ZNF749: variants seen among roughly 807,000 people sequenced by gnomAD.
ZNF749 encodes zinc finger protein 749.
Under a neutral mutation model 7.3 loss-of-function variants are expected in ZNF749, and 8 were observed. The ratio of observed to expected loss-of-function variants is 1.10; its 90% CI spans 0.64 to 1.98. The LOEUF (loss-of-function observed/expected upper bound fraction) is 1.98, where lower values mean the gene tolerates loss of function less well. Among genes scored for constraint, ZNF749 ranks in the 30% most tolerant of loss-of-function variants. The pLI, the probability that ZNF749 is intolerant of heterozygous loss-of-function variation, is 0.00. For synonymous variants in ZNF749, 310 were observed against 322.4 expected (o/e 0.96, Z 0.41); for missense variants, 898 against 932.4 (o/e 0.96, Z 0.48).
In ZNF749 at chr19:57,445,143, A is replaced by C. The variant is rs1006435226; in HGVS notation, c.1995A>C (p.Glu665Asp). ...TTCATCAGAGAGTTCATACTGGAGAAAAGCCTTATGAATGCAGCAACTGTG... is the reference window on the plus strand; with the variant it reads ...TTCATCAGAGAGTTCATACTGGAGACAAGCCTTATGAATGCAGCAACTGTG... ...LIIHQRVHTG[E>D]KPYECSNCGK... Residue 665 changes from glutamate (E) to aspartate (D), a missense_variant, in exon 3 of 3, where the codon GAA becomes GAC. Coordinates refer to ENST00000334181, the MANE Select transcript of ZNF749 (RefSeq NM_001023561.4). 4.3e-6 allele frequency: 7 copies of C among 1,614,150 alleles called. No homozygotes were observed. Among genetic ancestry groups the C allele is most frequent in the Non-Finnish European group, 5.9e-6 (7 of 1,180,008 alleles).
chr19:57,440,876 C>T (rs1460977878), intron 1 of ZNF749, among the ~76,000 whole-genome samples: 2 of 151,926 alleles, frequency 1.3e-5, no homozygotes, highest in Non-Finnish European at 2.9e-5. Context: ...GTCTGTAATC[C>T]CAGCACTTTG....
rs930800028 is a variant in ZNF749 at position 57,441,886 on chromosome 19, A to T, written c.17A>T (p.Asp6Val). 6.2e-7 allele frequency: 1 copy of T among 1,614,068 alleles called. No individual in the cohort carries two copies. The highest frequency in any genetic ancestry group is 8.5e-7 in the Non-Finnish European group (1 of 1,179,980). The change falls in exon 2 of 3, where the codon GAT becomes GTT. Residue 6 changes from aspartate to valine, a missense_variant and splice_region_variant. Asp to Val is a radical substitution (Grantham distance 152). Coordinates refer to ENST00000334181, the MANE Select transcript of ZNF749 (RefSeq NM_001023561.4). Reference protein sequence around the residue: MNLTEDCMVFEDVAIY... With the variant: MNLTEVCMVFEDVAIY... ...ACTGAAGTGTCATAATTTTGGCAGG[A>T]TTGTATGGTCTTTGAGGATGTGGCC...
intron 1 of ZNF749, chr19:57,438,149 A>G (rs1380300687): frequency 2.5e-6 from 1 of 399,034 alleles, no homozygotes; most frequent in East Asian, 3.6e-5. Flanking sequence ...ACTGGAGGCT[A>G]TATGAGTAAA....
chr19:57,434,688 C>T (rs1016586278), upstream of ZNF749, among the ~76,000 whole-genome samples: 2 of 152,206 alleles, frequency 1.3e-5, no homozygotes, highest in Non-Finnish European at 2.9e-5. Flanking sequence ...ATATTTGTCT[C>T]AGAATAAATC....
upstream of ZNF749, among the ~76,000 whole-genome samples, chr19:57,433,862 C>G (rs943860264): frequency 6.6e-6 from 1 of 152,070 alleles, no homozygotes; most frequent in Admixed American, 6.5e-5. Context: ...CAATTTTTCT[C>G]TCACTGCTAC....
In ZNF749 at chr19:57,439,637, G is replaced by T. The variant is rs2088968722; in HGVS notation, c.16-2248G>T. 6.6e-6 allele frequency among the ~76,000 whole-genome samples: 1 copy of T among 151,986 alleles called. No homozygotes were observed. Among genetic ancestry groups the T allele is most frequent in the South Asian group, 2.1e-4 (1 of 4,802 alleles). ...CTGGGTGTGGTGGCGTCTCTCTGTG[G>T]TCTCAGCTAATCGGCGTGCTGAGGC... On this transcript the variant is annotated intron_variant, in intron 1 of 2. Coordinates refer to ENST00000334181, the MANE Select transcript of ZNF749 (RefSeq NM_001023561.4). The surrounding 1 kb of genome is among the most constrained non-coding windows in gnomAD (Gnocchi z 4.3).
rs1056539625 is a variant in ZNF749 at position 57,442,432 on chromosome 19, T to G, written c.142+421T>G. On this transcript the variant is annotated intron_variant, in intron 2 of 2. Transcript: ENST00000334181. The surrounding 1 kb of genome is among the most constrained non-coding windows in gnomAD (Gnocchi z 6.6). ...GTCACCACTTGTGAGGATTGTGAAG[T>G]TATTTCTGCAGGACGCTCTACTGGG... 6.6e-6 allele frequency among the ~76,000 whole-genome samples: 1 copy of G among 152,170 alleles called. No homozygotes were observed. Among genetic ancestry groups the G allele is most frequent in the Non-Finnish European group, 1.5e-5 (1 of 68,030 alleles).
chr19:57,434,730 T>C (rs1312812769), upstream of ZNF749, among the ~76,000 whole-genome samples: 3 of 152,212 alleles, frequency 2.0e-5, no homozygotes, highest in African/African-American at 7.2e-5. Context: ...TCCACCCTTT[T>C]CGTCGACAGA....
chr19:57,445,273 T>G lies in ZNF749; in HGVS notation c.2125T>G (p.Ser709Ala). Reference sequence around the variant, plus strand: ...ATGTAGGGAATTGTTTAGGACTAAATCGAGCCTTATTATACATCAGCAGTC... The same window carrying G: ...ATGTAGGGAATTGTTTAGGACTAAAGCGAGCCTTATTATACATCAGCAGTC... The part of the protein sequence containing the change: ...SKCRELFRTK[S>A]SLIIHQQSHT... The change falls in exon 3 of 3, where the codon TCG becomes GCG. Residue 709 changes from serine (S) to alanine (A), a missense_variant. By Grantham distance (99) the Ser-to-Ala change is moderately conservative. Coordinates refer to ENST00000334181, the MANE Select transcript of ZNF749 (RefSeq NM_001023561.4). 1 of 1,614,004 alleles carries G rather than the reference T, an allele frequency of 6.2e-7. No homozygotes were observed. The highest frequency in any genetic ancestry group is 8.5e-7 in the Non-Finnish European group (1 of 1,179,896).
chr19:57,443,901 T>C lies in ZNF749; in HGVS notation c.753T>C (p.Pro251=), dbSNP rs148424717. The C allele has an allele frequency of 4.9e-5, 79 of 1,613,954 alleles. 1 individual carries two copies. The Middle Eastern group carries it at 4.9e-4, about 10-fold the overall frequency. ...KYQQNHAGER[P]YEGTEYGKTF... ...AGCAAAATCATGCTGGAGAAAGGCC[T>C]TATGAGGGCACTGAATATGGAAAGA... The change falls in exon 3 of 3, where the codon CCT becomes CCC. Residue 251 remains proline (P), a synonymous_variant. Coordinates refer to ENST00000334181, the MANE Select transcript of ZNF749 (RefSeq NM_001023561.4).
Position 57,443,934 on chromosome 19 carries a change from T to G in ZNF749, c.786T>G (p.Ile262Met). 1 of 1,613,926 alleles carries G rather than the reference T, an allele frequency of 6.2e-7. No homozygotes were observed. Among genetic ancestry groups the G allele is most frequent in the Non-Finnish European group, 8.5e-7 (1 of 1,179,882 alleles). The part of the protein sequence containing the change: ...YEGTEYGKTF[I>M]RKSNLVQHQK... The stretch of plus-strand genomic sequence containing the variant: ...GCACTGAATATGGAAAGACCTTTAT[T>G]AGAAAGTCCAACCTAGTTCAGCACC... The change falls in exon 3 of 3, where the codon ATT (isoleucine) becomes ATG (methionine). Residue 262 changes from isoleucine to methionine, a missense_variant. By Grantham distance (10) the Ile-to-Met change is conservative. Coordinates refer to ENST00000334181, the MANE Select transcript of ZNF749 (RefSeq NM_001023561.4).
Position 57,443,318 on chromosome 19 carries a change from A to C in ZNF749, c.170A>C (p.Glu57Ala). The stretch of plus-strand genomic sequence containing the variant: ...TGTTGGCATGGAGCCAAGGATGAGG[A>C]GGTACCTTCCAAGCAGTGTGTTTCT... ...VGCWHGAKDEEVPSKQCVSVR... is the reference protein window; with the variant it reads ...VGCWHGAKDEAVPSKQCVSVR... Residue 57 changes from glutamate (E) to alanine (A), a missense_variant, in exon 3 of 3, where the codon GAG (glutamate) becomes GCG (alanine). Transcript: ENST00000334181. 1 of 1,609,874 alleles carries C rather than the reference A, an allele frequency of 6.2e-7. No individual in the cohort carries two copies.
upstream of ZNF749, among the ~76,000 whole-genome samples, chr19:57,430,847 C>T (rs1445909352): frequency 6.6e-6 from 1 of 152,022 alleles, no homozygotes; most frequent in Non-Finnish European, 1.5e-5. Flanking sequence ...TGAGACCATC[C>T]TGGCCAACAT....
rs755593944 is a variant in ZNF749 at position 57,443,273 on chromosome 19, G to A, written c.143-18G>A. The A allele has an allele frequency of 1.3e-6, 2 of 1,576,666 alleles. No homozygotes were observed. The highest frequency in any genetic ancestry group is 1.7e-6 in the Non-Finnish European group (2 of 1,159,032). Reference sequence around the variant, plus strand: ...TCCGGAGTTCACGTGCACTTCACCAGCATTTCTGTTCTTACAGGTTGTTGG... The same window carrying A: ...TCCGGAGTTCACGTGCACTTCACCAACATTTCTGTTCTTACAGGTTGTTGG... On this transcript the variant is annotated intron_variant, in intron 2 of 2. Transcript: ENST00000334181.
In ZNF749 at chr19:57,443,363, C is replaced by G; in HGVS notation, c.215C>G (p.Thr72Arg). ...QCVSVRVLQV[T>R]IPKPALSTLK... ...GTTTCTGTAAGAGTGTTACAGGTCA[C>G]AATTCCAAAGCCAGCTTTGTCCACC... Residue 72 changes from threonine to arginine, a missense_variant, in exon 3 of 3, where the codon ACA becomes AGA. Transcript: ENST00000334181. The G allele has an allele frequency of 6.2e-7, 1 of 1,614,192 alleles. No individual in the cohort carries two copies. Among genetic ancestry groups the G allele is most frequent in the Non-Finnish European group, 8.5e-7 (1 of 1,180,012 alleles).
intron 1 of ZNF749, chr19:57,438,248 C>G (rs1263109936): frequency 5.1e-6 from 2 of 392,276 alleles, no homozygotes; most frequent in Non-Finnish European, 9.0e-6. Flanking sequence ...CAGTCACGAC[C>G]CAGGCACAAG....
In ZNF749 at chr19:57,442,985, C is replaced by G. The variant is rs1432121380; in HGVS notation, c.143-306C>G. On this transcript the variant is annotated intron_variant, in intron 2 of 2. Transcript: ENST00000334181. This position sits in a 1 kb window ranked among gnomAD's most constrained non-coding sequence, Gnocchi z 6.6. ...AATACTCGCTCTCACACAATCAGAT[C>G]TCTCTGGATCTGGACACAACCGTCA... 6.6e-6 allele frequency among the ~76,000 whole-genome samples: 1 copy of G among 152,198 alleles called. No homozygotes were observed. Among genetic ancestry groups the G allele is most frequent in the East Asian group, 1.9e-4 (1 of 5,188 alleles).
upstream of ZNF749, among the ~76,000 whole-genome samples, chr19:57,430,766 G>T (rs1220017591): frequency 2.6e-5 from 4 of 152,290 alleles, no homozygotes; most frequent in South Asian, 6.2e-4. Context: ...ATTAGGCAGG[G>T]TACGGTGGCT....
At position 57,441,938 on chromosome 19, in the gene ZNF749, G is replaced by A. The variant is rs745466197; in HGVS notation, c.69G>A (p.Gly23=). The change falls in exon 2 of 3, where the codon GGG becomes GGA. Residue 23 remains glycine (G), a synonymous_variant. Transcript: ENST00000334181. The part of the protein sequence containing the change: ...VAIYFSQEEW[G]ILNDAQRHLH... ...TATATTTCTCCCAAGAGGAATGGGGGATCCTTAATGATGCTCAGAGACACC... is the reference window on the plus strand; with the variant it reads ...TATATTTCTCCCAAGAGGAATGGGGAATCCTTAATGATGCTCAGAGACACC... The A allele has an allele frequency of 1.9e-6, 3 of 1,614,028 alleles. No individual in the cohort carries two copies. Among genetic ancestry groups the A allele is most frequent in the African/African-American group, 2.7e-5 (2 of 74,924 alleles).
Sources: allele counts gnomAD v4.1 joint callset (sites outside exome capture counted in the v4.1 genomes callset), GRCh38; gene constraint gnomAD v4.1.1; non-coding constraint Gnocchi (gnomAD v3.1); transcripts MANE v1.5; gene names NCBI Gene and HGNC (gene_info 2026-07-23, HGNC 2026-07-21).